Variants in NR2C2 observed in about 807,000 individuals in gnomAD.
The protein encoded by NR2C2 is Nuclear hormone receptor TR4.
NR2C2 carries 6 observed loss-of-function variants against 62.9 expected under a neutral mutation model. The ratio of observed to expected loss-of-function variants is 0.10; its 90% CI spans 0.05 to 0.19. The LOEUF (loss-of-function observed/expected upper bound fraction) is 0.19, where lower values mean the gene tolerates loss of function less well. NR2C2 is among the 10% of genes least tolerant of loss of function. The pLI is 1.00. For missense variants in NR2C2, 479 were observed against 762.7 expected, an observed-to-expected ratio of 0.63 and a Z score of 4.38; for synonymous variants, 272 against 273.8, an observed-to-expected ratio of 0.99 and a Z score of 0.07.
At chr3:15,014,073 T>C (rs192429973) in intron 3 of NR2C2, among the ~76,000 whole-genome samples, 1 of 152,290 alleles carries the variant, frequency 6.6e-6, no homozygotes, top group Admixed American at 6.5e-5. Flanking sequence ...TACTGGAGAA[T>C]TGTTCTTACC....
rs374529318 is a variant in NR2C2, at chr3:15,005,351, T to C, written c.72+1365T>C. ...ACAGGTGCATACCACCATGCCTGGA[T>C]ACACACACGCATAATGCTTTTTTTT... On this transcript the variant is annotated intron_variant, in intron 2 of 13. Transcript: ENST00000425241. Among the ~76,000 whole-genome samples, 3 of 145,276 alleles carry C rather than the reference T, an allele frequency of 2.1e-5. No homozygotes were observed. In the South Asian group the frequency reaches 6.6e-4, roughly 32 times the overall value.
At chr3:14,967,022 C>G (rs896351168) in intron 1 of NR2C2, among the ~76,000 whole-genome samples, 1 of 152,172 alleles carries the variant, frequency 6.6e-6, no homozygotes, top group Non-Finnish European at 1.5e-5. Flanking sequence ...TTTTGGATTA[C>G]TAATTCAGTC....
chr3:14,978,200 T>C (rs2040262740), intron 1 of NR2C2, among the ~76,000 whole-genome samples: 1 of 152,208 alleles, frequency 6.6e-6, no homozygotes, highest in Non-Finnish European at 1.5e-5. Flanking sequence ...TCAGTACAAA[T>C]GTTCCTTAAC....
At chr3:15,021,254 G>C (rs1183615194) in intron 5 of NR2C2, among the ~76,000 whole-genome samples, 1 of 152,144 alleles carries the variant, frequency 6.6e-6, no homozygotes, top group East Asian at 1.9e-4. Flanking sequence ...GAGCTATGAT[G>C]CCTGAGGATA....
intron 1 of NR2C2, among the ~76,000 whole-genome samples, chr3:14,972,459 C>T (rs1315981095): frequency 2.6e-5 from 4 of 152,182 alleles, no homozygotes; most frequent in African/African-American, 9.7e-5. Context: ...CAGGCATGAG[C>T]CAGTACACCA....
chr3:14,949,799 C>G (rs2039291050), intron 1 of NR2C2, among the ~76,000 whole-genome samples: 2 of 152,214 alleles, frequency 1.3e-5, no homozygotes, highest in African/African-American at 4.8e-5. Flanking sequence ...CAAGGTCTCA[C>G]TCTGTCGCCC....
At chr3:15,034,573 C>A in intron 10 of NR2C2, 97 bp from the exon 11 acceptor site, 1 of 1,280,020 alleles carries the variant, frequency 7.8e-7, no homozygotes, top group East Asian at 2.4e-5. Flanking sequence ...GCTGAATTCA[C>A]CTGTTTGGGA....
intron 1 of NR2C2, among the ~76,000 whole-genome samples, chr3:14,953,509 GC>G (rs1371632640): frequency 1.3e-5 from 2 of 152,176 alleles, no homozygotes; most frequent in Non-Finnish European, 2.9e-5. Context: ...ACAGGGAGCT[GC>G]TTTATTTACC....
At chr3:14,975,845 T>C (rs1255547115) in intron 1 of NR2C2, among the ~76,000 whole-genome samples, 1 of 152,220 alleles carries the variant, frequency 6.6e-6, no homozygotes, top group Non-Finnish European at 1.5e-5. Context: ...TCCAGGACTT[T>C]CCTTTTTTGG....
intron 1 of NR2C2, among the ~76,000 whole-genome samples, chr3:14,982,340 T>G (rs1290681447): frequency 6.6e-6 from 1 of 152,224 alleles, no homozygotes; most frequent in Admixed American, 6.5e-5. Flanking sequence ...TTCTAAATTT[T>G]TAAATTAGCT....
At chr3:15,014,147 G>T (rs147177292) in intron 3 of NR2C2, among the ~76,000 whole-genome samples, 1 of 152,190 alleles carries the variant, frequency 6.6e-6, no homozygotes, top group Non-Finnish European at 1.5e-5. Flanking sequence ...CTACAGCCAG[G>T]CGAGAACCGA....
At chr3:14,960,076 T>C (rs769550499) in intron 1 of NR2C2, among the ~76,000 whole-genome samples, 1 of 152,196 alleles carries the variant, frequency 6.6e-6, no homozygotes, top group Non-Finnish European at 1.5e-5. Flanking sequence ...AGGAGTTACA[T>C]ATGAGGGGAA....
intron 11 of NR2C2, among the ~76,000 whole-genome samples, chr3:15,036,138 C>T (rs1010987315): frequency 2.0e-5 from 3 of 152,052 alleles, no homozygotes; most frequent in Non-Finnish European, 4.4e-5. Context: ...TGCAGTGAGC[C>T]GAGACTGTGC....
intron 1 of NR2C2, among the ~76,000 whole-genome samples, chr3:14,971,697 A>G (rs1481260120): frequency 6.6e-6 from 1 of 151,400 alleles, no homozygotes; most frequent in Non-Finnish European, 1.5e-5. Flanking sequence ...ATGTAAAGTG[A>G]TATTTGATTG....
At chr3:15,037,173 TTTAG>T (rs2042124985) in intron 11 of NR2C2, among the ~76,000 whole-genome samples, 1 of 151,790 alleles carries the variant, frequency 6.6e-6, no homozygotes, top group Non-Finnish European at 1.5e-5. Flanking sequence ...ACAAATGAGC[TTTAG>T]TTTTGTTTTT....
chr3:15,003,851 G>A, intron 1 of NR2C2, 25 bp from the exon 2 acceptor site: 4 of 1,518,560 alleles, frequency 2.6e-6, no homozygotes, highest in Non-Finnish European at 2.7e-6. Context: ...ACCCCCTTGT[G>A]ATCCAGCCCA....
intron 1 of NR2C2, among the ~76,000 whole-genome samples, chr3:14,965,522 C>CAAAAAA (rs545143806): frequency 2.6e-4 from 21 of 79,584 alleles, no homozygotes; most frequent in Admixed American, 4.3e-4. Context: ...TTTCCCATGG[C>CAAAAAA]AAAAAAAAAA....
intron 1 of NR2C2, among the ~76,000 whole-genome samples, chr3:14,968,502 T>A (rs2039931106): frequency 6.6e-6 from 1 of 151,390 alleles, no homozygotes; most frequent in African/African-American, 2.4e-5. Flanking sequence ...CTGGAGAGGA[T>A]GTGGAGAAAT....
At chr3:14,982,124 C>T (rs149324444) in intron 1 of NR2C2, among the ~76,000 whole-genome samples, 1 of 152,260 alleles carries the variant, frequency 6.6e-6, no homozygotes, top group Non-Finnish European at 1.5e-5. Context: ...TATAGTACAA[C>T]GACAGGGTTG....
Sources: allele counts gnomAD v4.1 joint callset (sites outside exome capture counted in the v4.1 genomes callset), GRCh38; gene constraint gnomAD v4.1.1; transcripts MANE v1.5; gene names NCBI Gene and HGNC (gene_info 2026-07-23, HGNC 2026-07-21).